Variants in ZEB1 observed in about 807,000 individuals in gnomAD.
ZEB1 encodes zinc finger E-box-binding homeobox 1.
Under a neutral mutation model 84.9 loss-of-function variants are expected in ZEB1, and 21 were observed. The observed-to-expected ratio is 0.25, with a 90% CI of 0.18 to 0.36. The LOEUF (loss-of-function observed/expected upper bound fraction) is 0.36. ZEB1 is among the 10% of genes least tolerant of loss of function. ZEB1 has a pLI of 1.00. For synonymous variants in ZEB1, 420 were observed against 471.1 expected (o/e 0.89, Z 1.41); for missense variants, 1,104 against 1,330.2 (o/e 0.83, Z 2.65).
intron 1 of ZEB1, among the ~76,000 whole-genome samples, chr10:31,406,686 C>G (rs566587701): frequency 9.9e-5 from 15 of 152,228 alleles, no homozygotes; most frequent in African/African-American, 3.4e-4. Flanking sequence ...TGCAGAAGCT[C>G]TTTAGTTTAA....
At chr10:31,466,956 C>T (rs2062510778) in intron 2 of ZEB1, among the ~76,000 whole-genome samples, 1 of 152,122 alleles carries the variant, frequency 6.6e-6, no homozygotes, top group African/African-American at 2.4e-5. Context: ...GGATGCACCT[C>T]TTCTACAGAG....
intron 8 of ZEB1, 127 bp downstream of exon 8, chr10:31,524,240 G>A (rs1339593264): frequency 9.6e-7 from 1 of 1,043,484 alleles, no homozygotes; most frequent in East Asian, 2.8e-5. Flanking sequence ...GACAAGGTCT[G>A]GCTCTAGTCA....
intron 1 of ZEB1, among the ~76,000 whole-genome samples, chr10:31,403,525 A>G (rs2052445152): frequency 6.6e-6 from 1 of 152,062 alleles, no homozygotes; most frequent in African/African-American, 2.4e-5. Flanking sequence ...GTGTCAACAT[A>G]TTCAATTCTT....
At chr10:31,349,113 T>C (rs1434812934) in intron 1 of ZEB1, among the ~76,000 whole-genome samples, 1 of 152,202 alleles carries the variant, frequency 6.6e-6, no homozygotes, top group Non-Finnish European at 1.5e-5. Context: ...ACCATTCTAC[T>C]CTCTGCTTCC....
intron 2 of ZEB1, among the ~76,000 whole-genome samples, chr10:31,480,035 A>AAAG (rs2064833244): frequency 6.6e-6 from 1 of 151,968 alleles, no homozygotes; most frequent in African/African-American, 2.4e-5. Flanking sequence ...ACCTGTCTTA[A>AAAG]AGGCATCCTT....
intron 2 of ZEB1, among the ~76,000 whole-genome samples, chr10:31,466,238 A>T (rs1477981868): frequency 1.3e-5 from 2 of 152,238 alleles, no homozygotes; most frequent in Non-Finnish European, 1.5e-5. Context: ...ATAAAGAAAC[A>T]GTGGATTTGA....
At position 31,351,051 on chromosome 10, in the gene ZEB1, G is replaced by A. The variant is rs113811317; in HGVS notation, c.58+31759G>A. Among the ~76,000 whole-genome samples the A allele has an allele frequency of 1.7e-4, 26 of 152,180 alleles. 1 individual carries two copies. Among genetic ancestry groups the A allele is most frequent in the African/African-American group, 6.3e-4 (26 of 41,524 alleles). ...ATGTTCACTTTCTCTCTTGTAAAAG[G>A]CTCCTTTGCAGCCAAATAGCAACCT... On this transcript the variant is annotated intron_variant, in intron 1 of 8. Transcript: ENST00000424869.
chr10:31,340,046 C>G (rs912204931), intron 1 of ZEB1, among the ~76,000 whole-genome samples: 2 of 152,098 alleles, frequency 1.3e-5, no homozygotes, highest in Admixed American at 6.5e-5. Flanking sequence ...AAATGTTTCT[C>G]AGAAAGTGAG....
chr10:31,345,975 T>C (rs1344683485), intron 1 of ZEB1, among the ~76,000 whole-genome samples: 5 of 152,188 alleles, frequency 3.3e-5, no homozygotes, highest in Admixed American at 2.0e-4. Flanking sequence ...CCATCTGGTC[T>C]GGTTCATTTT....
chr10:31,319,179 A>AAGGGGGAGGG (rs1353462187), upstream of ZEB1: 153 of 814,920 alleles, frequency 1.9e-4, no homozygotes, highest in Non-Finnish European at 2.5e-4. Context: ...GGTGGGGGGG[A>AAGGGGGAGGG]AGGGGGAGGG....
At chr10:31,426,413 C>G (rs1246491848) in intron 1 of ZEB1, among the ~76,000 whole-genome samples, 1 of 152,070 alleles carries the variant, frequency 6.6e-6, no homozygotes, top group African/African-American at 2.4e-5. Flanking sequence ...TTCATTGACT[C>G]GTAGTTCCTT....
intron 2 of ZEB1, among the ~76,000 whole-genome samples, chr10:31,473,569 C>A (rs1291093243): frequency 1.3e-5 from 2 of 150,696 alleles, no homozygotes; most frequent in Admixed American, 6.6e-5. Context: ...AGGATACAAA[C>A]AAATGGAAGA....
chr10:31,401,617 C>G (rs566337960), intron 1 of ZEB1, among the ~76,000 whole-genome samples: 11 of 152,268 alleles, frequency 7.2e-5, no homozygotes, highest in African/African-American at 2.6e-4. Flanking sequence ...GTGACATTCT[C>G]TTTATGCTCA....
intron 3 of ZEB1, among the ~76,000 whole-genome samples, chr10:31,499,989 C>A (rs1319903410): frequency 6.6e-6 from 1 of 151,954 alleles, no homozygotes; most frequent in African/African-American, 2.4e-5. Context: ...AAATACAGAT[C>A]ATGCAGTTCT....
At chr10:31,336,614 A>G (rs1281847742) in intron 1 of ZEB1, among the ~76,000 whole-genome samples, 2 of 152,158 alleles carry the variant, frequency 1.3e-5, no homozygotes, top group Non-Finnish European at 2.9e-5. Flanking sequence ...TATTTAGCAC[A>G]TATCAAAATC....
intron 1 of ZEB1, among the ~76,000 whole-genome samples, chr10:31,341,128 T>G (rs1234410604): frequency 6.6e-6 from 1 of 152,042 alleles, no homozygotes; most frequent in African/African-American, 2.4e-5. Flanking sequence ...GGGGCCCAAT[T>G]TGATTGTATT....
At chr10:31,358,848 A>G (rs912260212) in intron 1 of ZEB1, among the ~76,000 whole-genome samples, 1 of 152,200 alleles carries the variant, frequency 6.6e-6, no homozygotes, top group Non-Finnish European at 1.5e-5. Flanking sequence ...ATATTTTAGT[A>G]TCTGGGTCAC....
At chr10:31,414,181 A>G (rs1041171641) in intron 1 of ZEB1, among the ~76,000 whole-genome samples, 12 of 152,242 alleles carry the variant, frequency 7.9e-5, no homozygotes, top group African/African-American at 2.2e-4. Flanking sequence ...TCAGAATTCA[A>G]TAAGTTAATG....
At chr10:31,493,530 A>T (rs2066832418) in intron 2 of ZEB1, among the ~76,000 whole-genome samples, 1 of 152,030 alleles carries the variant, frequency 6.6e-6, no homozygotes, top group Admixed American at 6.6e-5. Flanking sequence ...CAGGAAAAAA[A>T]TATGTACAAG....
Sources: allele counts gnomAD v4.1 joint callset (sites outside exome capture counted in the v4.1 genomes callset), GRCh38; gene constraint gnomAD v4.1.1; transcripts MANE v1.5; gene names NCBI Gene and HGNC (gene_info 2026-07-23, HGNC 2026-07-21).